Variants in KCNK2 observed in about 807,000 individuals in gnomAD.
The protein encoded by KCNK2 is potassium two pore domain channel subfamily K member 2.
KCNK2 carries 21 observed loss-of-function variants against 40.5 expected under a neutral mutation model. That is an observed-to-expected ratio of 0.52 (90% CI 0.37 to 0.75). The LOEUF (loss-of-function observed/expected upper bound fraction) is 0.75. Among genes scored for constraint, KCNK2 ranks in the 30% least tolerant of loss-of-function variants. The pLI, the probability that KCNK2 is intolerant of heterozygous loss-of-function variation, is 0.00. For synonymous variants in KCNK2, 191 were observed against 202.2 expected, an observed-to-expected ratio of 0.94 and a Z score of 0.47; for missense variants, 399 against 531.6, an observed-to-expected ratio of 0.75 and a Z score of 2.45.
intron 5 of KCNK2, among the ~76,000 whole-genome samples, chr1:215,189,917 G>A (rs964022458): frequency 1.3e-5 from 2 of 152,048 alleles, no homozygotes; most frequent in Admixed American, 1.3e-4. Flanking sequence ...ATCCATGTTT[G>A]ATATTTAAGC....
chr1:215,167,297 A>G (rs981458189), intron 3 of KCNK2, among the ~76,000 whole-genome samples: 1 of 151,546 alleles, frequency 6.6e-6, no homozygotes, highest in Non-Finnish European at 1.5e-5. Context: ...TCTTTGAACT[A>G]CAATGGTCAT....
chr1:215,138,771 G>A (rs918273176), intron 3 of KCNK2, among the ~76,000 whole-genome samples: 2 of 152,182 alleles, frequency 1.3e-5, no homozygotes, highest in African/African-American at 2.4e-5. Flanking sequence ...AGAAAGAAAA[G>A]TAATAGCATA....
intron 5 of KCNK2, among the ~76,000 whole-genome samples, chr1:215,175,042 T>C (rs1231596608): frequency 6.6e-6 from 1 of 152,206 alleles, no homozygotes; most frequent in Non-Finnish European, 1.5e-5. Flanking sequence ...CCTTGTCTTG[T>C]GCCAGTTTTC....
intron 1 of KCNK2, among the ~76,000 whole-genome samples, chr1:215,013,873 A>G (rs1343723542): frequency 6.6e-6 from 1 of 152,094 alleles, no homozygotes; most frequent in Non-Finnish European, 1.5e-5. Context: ...GGATAATTTT[A>G]TTTCTTCATT....
chr1:215,026,425 AT>A (rs879282909), intron 1 of KCNK2, among the ~76,000 whole-genome samples: 9 of 152,058 alleles, frequency 5.9e-5, no homozygotes, highest in Admixed American at 2.6e-4. Context: ...TAATCCATTG[AT>A]TTTTTTGTAA....
intron 2 of KCNK2, among the ~76,000 whole-genome samples, chr1:215,088,588 A>C (rs919440269): frequency 6.6e-6 from 1 of 152,060 alleles, no homozygotes; most frequent in Non-Finnish European, 1.5e-5. Context: ...AAAAAAAAAA[A>C]AACCATGACC....
chr1:215,223,431 A>G (rs945956043), intron 6 of KCNK2, among the ~76,000 whole-genome samples: 1 of 152,054 alleles, frequency 6.6e-6, no homozygotes, highest in African/African-American at 2.4e-5. Flanking sequence ...AGATTGCTTA[A>G]GAAGAGAAAG....
intron 2 of KCNK2, among the ~76,000 whole-genome samples, chr1:215,107,778 G>A (rs779022024): frequency 2.0e-5 from 3 of 151,914 alleles, no homozygotes; most frequent in Admixed American, 6.6e-5. Context: ...TTCGGTATCC[G>A]TGGGTTCGGC....
chr1:215,073,926 G>A (rs928524576), intron 1 of KCNK2, among the ~76,000 whole-genome samples: 2 of 152,140 alleles, frequency 1.3e-5, no homozygotes, highest in African/African-American at 4.8e-5. Context: ...TCTCTATCCT[G>A]AAGGCAATGG....
At chr1:215,122,396 G>A (rs1208906645) in intron 2 of KCNK2, among the ~76,000 whole-genome samples, 1 of 152,012 alleles carries the variant, frequency 6.6e-6, no homozygotes, top group East Asian at 1.9e-4. Context: ...TTAAAAGAAA[G>A]ATAATGAAGG....
In KCNK2 at chr1:215,150,369, G is replaced by T. The variant is rs1571668349; in HGVS notation, c.476-18830G>T. On this transcript the variant is annotated intron_variant, in intron 3 of 6. Coordinates refer to ENST00000444842, the MANE Select transcript of KCNK2 (RefSeq NM_001017425.3). The stretch of plus-strand genomic sequence containing the variant: ...CCTGTTGCTTGTTTTCACATAGGGT[G>T]AATTTTTTTTCTCTGAAAGAGTAAT... Among the ~76,000 whole-genome samples, 4 of 152,204 alleles carry T rather than the reference G, an allele frequency of 2.6e-5. No individual in the cohort carries two copies. The East Asian group carries it at 7.8e-4, about 29-fold the overall frequency.
At chr1:215,091,348 G>C (rs1374657975) in intron 2 of KCNK2, among the ~76,000 whole-genome samples, 1 of 152,106 alleles carries the variant, frequency 6.6e-6, no homozygotes, top group Non-Finnish European at 1.5e-5. Flanking sequence ...AGGGAGGTGG[G>C]CTTTATCCTA....
chr1:215,136,982 C>A (rs10779641), intron 3 of KCNK2, among the ~76,000 whole-genome samples: 116,734 of 152,014 alleles, frequency 0.77, 45,100 homozygotes, highest in Non-Finnish European at 0.79. Flanking sequence ...TTATTAATGC[C>A]AAAAAAATTT....
rs765298383 is a variant in KCNK2, at chr1:215,147,355, AGTTTAAAACTGGTGTT to A, written c.476-21843_476-21828del. ...ATATATGATTTTGCTATGGATCCTT[AGTTTAAAACTGGTGTT>A]ATAGAGGAACAGTGTACGATGTGTG... On this transcript the variant is annotated intron_variant, in intron 3 of 6. Transcript: ENST00000444842. 9.4e-4 allele frequency among the ~76,000 whole-genome samples: 143 copies of A among 152,334 alleles called. 1 individual carries two copies. The highest frequency in any genetic ancestry group is 1.8e-3 in the Non-Finnish European group (121 of 68,030).
intron 2 of KCNK2, among the ~76,000 whole-genome samples, chr1:215,096,851 G>T (rs1400343575): frequency 1.3e-5 from 2 of 151,970 alleles, no homozygotes; most frequent in African/African-American, 4.8e-5. Context: ...GTTCGGAACT[G>T]CATTAAGTGG....
chr1:215,122,765 A>G (rs1185670168), intron 2 of KCNK2, among the ~76,000 whole-genome samples: 3 of 88,576 alleles, frequency 3.4e-5, no homozygotes, highest in African/African-American at 1.4e-4. Flanking sequence ...TTTTTTTTTG[A>G]AATGGAGTCT....
At chr1:215,061,485 T>A (rs956134983) in intron 1 of KCNK2, among the ~76,000 whole-genome samples, 1 of 152,156 alleles carries the variant, frequency 6.6e-6, no homozygotes, top group African/African-American at 2.4e-5. Flanking sequence ...ATCACATGTT[T>A]CTGGGTTTAA....
chr1:215,167,457 T>C (rs777604673), intron 3 of KCNK2, among the ~76,000 whole-genome samples: 3 of 152,068 alleles, frequency 2.0e-5, no homozygotes, highest in Non-Finnish European at 4.4e-5. Flanking sequence ...AAAGAGGTAC[T>C]CTATGTACTT....
intron 5 of KCNK2, among the ~76,000 whole-genome samples, chr1:215,173,302 T>C (rs1445453284): frequency 2.0e-5 from 3 of 152,192 alleles, no homozygotes; most frequent in Non-Finnish European, 4.4e-5. Context: ...CATGAACTCA[T>C]CCTCTTTTAT....
Sources: gnomAD v4.1 joint callset for allele counts (sites outside exome capture counted in the v4.1 genomes callset) on GRCh38, gnomAD v4.1.1 for gene constraint, MANE v1.5 for transcripts, NCBI Gene and HGNC (gene_info 2026-07-23, HGNC 2026-07-21) for gene names.